The following DYNC1I2 variants were observed in gnomAD, a reference collection of about 807,000 sequenced individuals.
DYNC1I2 encodes dynein cytoplasmic 1 intermediate chain 2.
In DYNC1I2, 53 loss-of-function variants were observed where a neutral mutation model predicts 88.6. The observed-to-expected ratio is 0.60, with a 90% confidence interval of 0.48 to 0.75. The LOEUF is 0.75. Among genes scored for constraint, DYNC1I2 ranks in the 30% least tolerant of loss-of-function variants. The probability of loss-of-function intolerance (pLI) is 0.00; values close to 1 mark genes in which losing one functional copy is unlikely to be tolerated. For missense variants in DYNC1I2, 458 were observed against 766.6 expected, an observed-to-expected ratio of 0.60 and a Z score of 4.75; for synonymous variants, 198 against 254.6, an observed-to-expected ratio of 0.78 and a Z score of 2.12.
chr2:171,744,299 G>A (rs1443678461), intron 16 of DYNC1I2, 110 bp downstream of exon 16: 3 of 1,167,104 alleles, frequency 2.6e-6, no homozygotes, highest in Non-Finnish European at 3.5e-6. Context: ...TTCTGTGATT[G>A]TAGATTCATC....
At chr2:171,692,611 T>C (rs1222029677) in intron 2 of DYNC1I2, among the ~76,000 whole-genome samples, 166 bp from the exon 3 acceptor site, 2 of 152,174 alleles carry the variant, frequency 1.3e-5, no homozygotes, top group African/African-American at 4.8e-5. Flanking sequence ...ACTAGAACTC[T>C]ATTGAGAATG....
chr2:171,700,481 T>C (rs1422973826), intron 3 of DYNC1I2, among the ~76,000 whole-genome samples: 2 of 152,216 alleles, frequency 1.3e-5, no homozygotes, highest in African/African-American at 4.8e-5. Flanking sequence ...AAAAAAATCG[T>C]AGCCTTATAA....
At chr2:171,690,460 T>C (rs1685314941) in intron 2 of DYNC1I2, among the ~76,000 whole-genome samples, 197 bp downstream of exon 2, 1 of 152,130 alleles carries the variant, frequency 6.6e-6, no homozygotes, top group Non-Finnish European at 1.5e-5. Flanking sequence ...GACATAACAC[T>C]GTAAGTGAAT....
At chr2:171,696,863 C>G (rs1273168482) in intron 3 of DYNC1I2, among the ~76,000 whole-genome samples, 7 of 152,078 alleles carry the variant, frequency 4.6e-5, no homozygotes, top group African/African-American at 1.7e-4. Flanking sequence ...AAAATCACCC[C>G]CTTTGTTCCT....
At chr2:171,719,012 G>A (rs1010923110) in intron 7 of DYNC1I2, among the ~76,000 whole-genome samples, 2 of 152,134 alleles carry the variant, frequency 1.3e-5, no homozygotes, top group South Asian at 4.1e-4. Context: ...GTTTTTATGA[G>A]TTGTTTTATG....
At chr2:171,694,308 T>A (rs1239227201) in intron 3 of DYNC1I2, among the ~76,000 whole-genome samples, 1 of 152,142 alleles carries the variant, frequency 6.6e-6, no homozygotes, top group Non-Finnish European at 1.5e-5. Context: ...TATTTCTTAA[T>A]TTATGGCTGG....
chr2:171,732,498 CTT>C (rs888907989), intron 15 of DYNC1I2, among the ~76,000 whole-genome samples: 10 of 152,128 alleles, frequency 6.6e-5, no homozygotes, highest in Admixed American at 6.5e-4. Flanking sequence ...GGATTTAACT[CTT>C]GTTTGTATCA....
At chr2:171,704,680 T>G (rs1686539709) in intron 3 of DYNC1I2, among the ~76,000 whole-genome samples, 1 of 152,198 alleles carries the variant, frequency 6.6e-6, no homozygotes, top group African/African-American at 2.4e-5. Context: ...TTTGAGAACC[T>G]GTGAGTTGAT....
At chr2:171,697,580 GAA>G (rs1385664147) in intron 3 of DYNC1I2, among the ~76,000 whole-genome samples, 1 of 151,602 alleles carries the variant, frequency 6.6e-6, no homozygotes. Flanking sequence ...ATATGAGAGA[GAA>G]AGGAAGAACG....
At chr2:171,724,304 G>T (rs1265060308) in intron 7 of DYNC1I2, among the ~76,000 whole-genome samples, 2 of 152,206 alleles carry the variant, frequency 1.3e-5, no homozygotes, top group Admixed American at 1.3e-4. Flanking sequence ...AACAGTATGT[G>T]TGTGGTTTGG....
intron 2 of DYNC1I2, among the ~76,000 whole-genome samples, chr2:171,691,055 T>C (rs958937923): frequency 6.6e-6 from 1 of 152,218 alleles, no homozygotes; most frequent in African/African-American, 2.4e-5. Context: ...TCTGAATTGC[T>C]AATTTGTCAG....
Position 171,725,675 on chromosome 2 carries a change from A to G in DYNC1I2, c.569A>G (p.Glu190Gly), listed in dbSNP as rs1372037220. ...AAACCACCTATTGAACCTGAAGAAGAGAAAACTTTAAAGAAAGATGAGGAA... is the reference window on the plus strand; with the variant it reads ...AAACCACCTATTGAACCTGAAGAAGGGAAAACTTTAAAGAAAGATGAGGAA... ...APKPPIEPEE[E>G]KTLKKDEEND... The change falls in exon 8 of 18, where the codon GAG (glutamate) becomes GGG (glycine). Residue 190 changes from glutamate to glycine, a missense_variant. Coordinates refer to ENST00000397119, the MANE Select transcript of DYNC1I2 (RefSeq NM_001378.3). The G allele has an allele frequency of 5.7e-6, 9 of 1,583,728 alleles. No homozygotes were observed. Among genetic ancestry groups the G allele is most frequent in the Non-Finnish European group, 6.8e-6 (8 of 1,169,092 alleles).
chr2:171,741,836 CT>C (rs1347393405), intron 15 of DYNC1I2, among the ~76,000 whole-genome samples: 9 of 152,082 alleles, frequency 5.9e-5, no homozygotes, highest in African/African-American at 2.2e-4. Flanking sequence ...AATCCTAGCA[CT>C]TTGGGAGGCC....
At chr2:171,706,135 T>C (rs1390904819) in intron 3 of DYNC1I2, among the ~76,000 whole-genome samples, 1 of 152,128 alleles carries the variant, frequency 6.6e-6, no homozygotes, top group Admixed American at 6.5e-5. Context: ...AACACAGACT[T>C]TTAATTAAAT....
intron 7 of DYNC1I2, among the ~76,000 whole-genome samples, chr2:171,720,507 G>A (rs1485512611): frequency 6.6e-6 from 1 of 152,102 alleles, no homozygotes; most frequent in Non-Finnish European, 1.5e-5. Flanking sequence ...CCGAGGTGGG[G>A]CAGATCACCA....
chr2:171,717,351 G>A (rs1687578704), intron 7 of DYNC1I2, among the ~76,000 whole-genome samples: 1 of 151,968 alleles, frequency 6.6e-6, no homozygotes, highest in Non-Finnish European at 1.5e-5. Context: ...TTGACCTCAG[G>A]TGATCCACCC....
chr2:171,728,566 T>C, intron 13 of DYNC1I2, 148 bp downstream of exon 13: 1 of 813,264 alleles, frequency 1.2e-6, no homozygotes, highest in Non-Finnish European at 1.8e-6. Context: ...GTTTGTTTCA[T>C]ATATATATAT....
At chr2:171,715,533 CT>C in intron 7 of DYNC1I2, 90 bp downstream of exon 7, 1 of 895,406 alleles carries the variant, frequency 1.1e-6, no homozygotes, top group Non-Finnish European at 1.7e-6. Flanking sequence ...TGTTTTGTTT[CT>C]TTTTTGCTTT....
rs752548966 is a variant in DYNC1I2, at chr2:171,744,205, AC to A, written c.1677+17del. On this transcript the variant is annotated intron_variant, in intron 16 of 17. Transcript: ENST00000397119. ...TGACACAGAGGTGAGCAGGAAAATAACAAAAATTGCATTGAAAAATAGAAAA... is the reference window on the plus strand; with the variant it reads ...TGACACAGAGGTGAGCAGGAAAATAAAAAAATTGCATTGAAAAATAGAAAA... The A allele has an allele frequency of 5.7e-6, 9 of 1,567,644 alleles. No individual in the cohort carries two copies. Among genetic ancestry groups the A allele is most frequent in the South Asian group, 3.6e-5 (3 of 83,574 alleles).
Sources: gnomAD v4.1 joint callset for allele counts (sites outside exome capture counted in the v4.1 genomes callset) on GRCh38, gnomAD v4.1.1 for gene constraint, MANE v1.5 for transcripts, NCBI Gene and HGNC (gene_info 2026-07-23, HGNC 2026-07-21) for gene names.